Variants in COL24A1 observed in about 807,000 individuals in gnomAD.
The protein encoded by COL24A1 is collagen type XXIV alpha 1 chain, also known as collagen alpha-1(XXIV) chain.
COL24A1 carries 224 observed loss-of-function variants against 253.9 expected under a neutral mutation model. The ratio of observed to expected loss-of-function variants is 0.88; its 90% confidence interval spans 0.79 to 0.99. The LOEUF (loss-of-function observed/expected upper bound fraction) is 0.99, where lower values mean the gene tolerates loss of function less well. COL24A1 is among the 50% of genes least tolerant of loss of function. The probability of loss-of-function intolerance (pLI) is 0.00; values close to 1 mark genes in which losing one functional copy is unlikely to be tolerated. For missense variants in COL24A1, 2,131 were observed against 2,068.5 expected, an observed-to-expected ratio of 1.03 and a Z score of -0.59; for synonymous variants, 685 against 673.7, an observed-to-expected ratio of 1.02 and a Z score of -0.26.
chr1:85,778,460 T>A lies in COL24A1; in HGVS notation c.4339-2751A>T, dbSNP rs553945878. 3.9e-5 allele frequency among the ~76,000 whole-genome samples: 6 copies of A among 152,204 alleles called. No homozygotes were observed. In the South Asian group the frequency reaches 1.2e-3, roughly 32 times the overall value. On this transcript the variant is annotated intron_variant, in intron 52 of 59. Transcript: ENST00000370571. ...TATGCTTTGTAAATATTTTTCCCAA[T>A]CAATAGTACTTTTAAACTTTATTCA...
At chr1:86,006,736 A>C (rs910567242) in intron 19 of COL24A1, among the ~76,000 whole-genome samples, 26 of 152,186 alleles carry the variant, frequency 1.7e-4, no homozygotes, top group Non-Finnish European at 3.7e-4. Flanking sequence ...TGCAAAAGGC[A>C]CATCTGATAA....
chr1:85,760,888 C>T (rs1290065152), intron 55 of COL24A1, among the ~76,000 whole-genome samples: 3 of 152,108 alleles, frequency 2.0e-5, no homozygotes, highest in Non-Finnish European at 2.9e-5. Flanking sequence ...GCAACATAAA[C>T]ATTGCCTCAG....
rs1338631094 is a variant in COL24A1, at chr1:85,961,275, C to T, written c.2536G>A (p.Gly846Arg). ...EGLKGEVGDQ[G>R]NIGKIGETGP... Reference sequence around the variant, plus strand: ...GTTTCACCAATTTTTCCAATATTTCCTTGATCTCCTACTTCTCCCTGTCAA... The same window carrying T: ...GTTTCACCAATTTTTCCAATATTTCTTTGATCTCCTACTTCTCCCTGTCAA... Residue 846 changes from glycine to arginine, a missense_variant, in exon 24 of 60, where the codon GGA (glycine) becomes AGA (arginine). Transcript: ENST00000370571. The T allele has an allele frequency of 6.2e-7, 1 of 1,604,524 alleles. No individual in the cohort carries two copies. Among genetic ancestry groups the T allele is most frequent in the Non-Finnish European group, 8.5e-7 (1 of 1,172,746 alleles).
intron 12 of COL24A1, among the ~76,000 whole-genome samples, chr1:86,042,398 A>G (rs1023553673): frequency 2.0e-5 from 3 of 152,150 alleles, no homozygotes; most frequent in East Asian, 1.9e-4. Context: ...ACAAATATCA[A>G]TTAAATCTAA....
At chr1:85,907,063 G>A (rs903088982) in intron 28 of COL24A1, 131 bp downstream of exon 28, 2 of 624,954 alleles carry the variant, frequency 3.2e-6, no homozygotes, top group African/African-American at 3.7e-5. Flanking sequence ...CTAATATAAT[G>A]AAAATAGAAA....
Position 85,816,777 on chromosome 1 carries a change from G to C in COL24A1, c.3951+11C>G. 2 of 1,594,818 alleles carry C rather than the reference G, an allele frequency of 1.3e-6. No individual in the cohort carries two copies. Among genetic ancestry groups the C allele is most frequent in the Non-Finnish European group, 1.7e-6 (2 of 1,162,418 alleles). ...GGAAATAATGAGCAAAGAGATATCC[G>C]TACTACTCACAGGAAGTCCCTGTTT... On this transcript the variant is annotated intron_variant, in intron 47 of 59. Coordinates refer to ENST00000370571, the MANE Select transcript of COL24A1 (RefSeq NM_152890.7).
chr1:86,057,625 G>A (rs1700761739), intron 10 of COL24A1, among the ~76,000 whole-genome samples: 1 of 151,992 alleles, frequency 6.6e-6, no homozygotes, highest in Non-Finnish European at 1.5e-5. Flanking sequence ...TTTTTTCCAT[G>A]ATGACTTCCT....
intron 23 of COL24A1, 112 bp downstream of exon 23, chr1:85,964,897 T>A: frequency 2.3e-6 from 2 of 856,534 alleles, no homozygotes; most frequent in South Asian, 1.9e-5. Flanking sequence ...AGTTTTAACA[T>A]CTCACTGGTT....
At chr1:86,129,027 C>T (rs1401265051) in intron 2 of COL24A1, among the ~76,000 whole-genome samples, 1 of 151,582 alleles carries the variant, frequency 6.6e-6, no homozygotes, top group African/African-American at 2.4e-5. Context: ...TACATTTTTT[C>T]CCAAAAAGTT....
intron 24 of COL24A1, among the ~76,000 whole-genome samples, chr1:85,929,945 G>T (rs1447413489): frequency 3.4e-5 from 2 of 59,040 alleles, no homozygotes; most frequent in African/African-American, 7.4e-5. Context: ...TGTGTAGAGG[G>T]AAATTTATAG....
chr1:86,046,852 A>G lies in COL24A1; in HGVS notation c.1923T>C (p.Arg641=). Residue 641 remains arginine, a synonymous_variant, in exon 12 of 60, where the codon CGT becomes CGC. Transcript: ENST00000370571. ...PEGERGIPGI[R]GKKGFKGRQG... Reference sequence around the variant, plus strand: ...GTCTCCCCTTAAAACCCTTCTTTCCACGGATCCCAGGAATGCCCTAGAATA... The same window carrying G: ...GTCTCCCCTTAAAACCCTTCTTTCCGCGGATCCCAGGAATGCCCTAGAATA... The G allele has an allele frequency of 6.3e-7, 1 of 1,596,276 alleles. No homozygotes were observed. The highest frequency in any genetic ancestry group is 1.7e-5 in the Admixed American group (1 of 59,858).
chr1:85,739,817 C>T (rs111847365), intron 57 of COL24A1, among the ~76,000 whole-genome samples: 6 of 152,264 alleles, frequency 3.9e-5, no homozygotes, highest in East Asian at 1.9e-4. Flanking sequence ...CCCCTACCCT[C>T]GTACCTTACT....
At chr1:86,037,861 G>A (rs1419751379) in intron 12 of COL24A1, among the ~76,000 whole-genome samples, 2 of 152,080 alleles carry the variant, frequency 1.3e-5, no homozygotes, top group South Asian at 2.1e-4. Flanking sequence ...CATAGGTAAT[G>A]TTCAATATAA....
chr1:85,870,333 T>C (rs926176953), intron 35 of COL24A1, among the ~76,000 whole-genome samples: 5 of 152,214 alleles, frequency 3.3e-5, no homozygotes, highest in African/African-American at 1.2e-4. Flanking sequence ...AACTCAGCTC[T>C]GCACCAAGCA....
intron 1 of COL24A1, among the ~76,000 whole-genome samples, chr1:86,147,285 T>C (rs1293617732): frequency 1.3e-5 from 2 of 152,218 alleles, no homozygotes; most frequent in Non-Finnish European, 2.9e-5. Flanking sequence ...CCAGCAAATA[T>C]ATAATTCGAC....
At chr1:85,794,007 G>T (rs1670567769) in intron 47 of COL24A1, among the ~76,000 whole-genome samples, 1 of 152,048 alleles carries the variant, frequency 6.6e-6, no homozygotes, top group East Asian at 1.9e-4. Context: ...GAAAGGGCAT[G>T]TAAGCAGCAA....
At chr1:86,134,999 T>TCA (rs1649982370) in intron 2 of COL24A1, among the ~76,000 whole-genome samples, 4 of 151,360 alleles carry the variant, frequency 2.6e-5, no homozygotes, top group Admixed American at 6.6e-5. Context: ...TCTTTGTAGG[T>TCA]CTCCAAGGAC....
chr1:85,775,767 A>G, intron 52 of COL24A1, 58 bp from the exon 53 acceptor site: 1 of 1,392,000 alleles, frequency 7.2e-7, no homozygotes, highest in Non-Finnish European at 1.0e-6. Flanking sequence ...TATTAAATGT[A>G]GCTGAGGTCA....
At chr1:85,954,802 C>T (rs560996993) in intron 24 of COL24A1, among the ~76,000 whole-genome samples, 1 of 152,020 alleles carries the variant, frequency 6.6e-6, no homozygotes, top group African/African-American at 2.4e-5. Flanking sequence ...CAGGAGGGGT[C>T]GATGACATTC....
Sources: allele counts gnomAD v4.1 joint callset (sites outside exome capture counted in the v4.1 genomes callset), GRCh38; gene constraint gnomAD v4.1.1; transcripts MANE v1.5; gene names NCBI Gene and HGNC (gene_info 2026-07-23, HGNC 2026-07-21).